The following DLAT variants were observed in gnomAD, a reference collection of about 807,000 sequenced individuals.
The protein encoded by DLAT is dihydrolipoamide S-acetyltransferase.
Under a neutral mutation model 68.0 loss-of-function variants are expected in DLAT, and 43 were observed. That is an observed-to-expected ratio of 0.63 (90% CI 0.50 to 0.81). DLAT has a LOEUF of 0.81. Among genes scored for constraint, DLAT ranks in the 40% least tolerant of loss-of-function variants. The pLI is 0.00. For missense variants in DLAT, 745 were observed against 815.4 expected, an observed-to-expected ratio of 0.91 and a Z score of 1.05; for synonymous variants, 265 against 288.6, an observed-to-expected ratio of 0.92 and a Z score of 0.83.
At chr11:112,048,174 G>A (rs1863423526) in intron 10 of DLAT, among the ~76,000 whole-genome samples, 2 of 152,106 alleles carry the variant, frequency 1.3e-5, no homozygotes, top group South Asian at 2.1e-4. Flanking sequence ...TCCTTGAAGA[G>A]GTCCTTCACA....
intron 10 of DLAT, among the ~76,000 whole-genome samples, chr11:112,047,014 T>C (rs587723749): frequency 6.6e-6 from 1 of 152,370 alleles, no homozygotes; most frequent in East Asian, 1.9e-4. Flanking sequence ...AAATGGTATT[T>C]CTGGTTCTAG....
chr11:112,036,165 ATATGTGTG>A (rs1463959456), intron 5 of DLAT, among the ~76,000 whole-genome samples: 24 of 101,842 alleles, frequency 2.4e-4, no homozygotes, highest in African/African-American at 1.0e-3. Context: ...GTGTGTGTAT[ATATGTGTG>A]TGTGTGTGTG....
In DLAT at chr11:112,028,776, T is replaced by A. The variant is rs374343565; in HGVS notation, c.507-16T>A. 6.2e-7 allele frequency: 1 copy of A among 1,614,214 alleles called. No homozygotes were observed. On this transcript the variant is annotated splice_polypyrimidine_tract_variant and intron_variant, in intron 3 of 13. Transcript: ENST00000280346. ...GAATCTGCCCATTATATTTATGCAT[T>A]CTTTCTCTTCCTTAGGCCTGAGGAT...
At position 112,062,824 on chromosome 11, in the gene DLAT, G is replaced by A; in HGVS notation, c.*289G>A. Reference sequence around the variant, plus strand: ...CTTTGGTGATAAGTACTTCCTCTAGGAAATGTACGATAGGTAGAATTGTGG... The same window carrying A: ...CTTTGGTGATAAGTACTTCCTCTAGAAAATGTACGATAGGTAGAATTGTGG... On this transcript the variant is annotated 3_prime_UTR_variant, in exon 14 of 14. Coordinates refer to ENST00000280346, the MANE Select transcript of DLAT (RefSeq NM_001931.5). 1 of 376,456 alleles carries A rather than the reference G, an allele frequency of 2.7e-6. No homozygotes were observed. Among genetic ancestry groups the A allele is most frequent in the Non-Finnish European group, 5.1e-6 (1 of 197,988 alleles). 23.3% of individuals were successfully genotyped at this position (376,456 alleles called of 1,614,324 possible).
chr11:112,025,707 G>T lies in DLAT; in HGVS notation c.235G>T (p.Gly79Trp), dbSNP rs781783304. 2 of 1,612,796 alleles carry T rather than the reference G, an allele frequency of 1.2e-6. No homozygotes were observed. Among genetic ancestry groups the T allele is most frequent in the Admixed American group, 1.7e-5 (1 of 60,000 alleles). The change falls in exon 1 of 14, where the codon GGG (glycine) becomes TGG (tryptophan). Residue 79 changes from glycine to tryptophan, a missense_variant. Coordinates refer to ENST00000280346, the MANE Select transcript of DLAT (RefSeq NM_001931.5). ...GAACCGCTTACTGCTGCAGCTTTTG[G>T]GGTCGCCCGGCCGCCGCTATTACAG... is the stretch of plus-strand genomic sequence containing the variant. ...PRNRLLLQLL[G>W]SPGRRYYSLP... is the part of the protein sequence containing the mutation.
At chr11:112,036,167 A>ATGTGTGTGTGTG (rs1311809853) in intron 5 of DLAT, among the ~76,000 whole-genome samples, 3 of 82,572 alleles carry the variant, frequency 3.6e-5, no homozygotes, top group African/African-American at 1.6e-4. Flanking sequence ...GTGTGTATAT[A>ATGTGTGTGTGTG]TGTGTGTGTG....
intron 2 of DLAT, among the ~76,000 whole-genome samples, chr11:112,026,757 C>T (rs1435437394): frequency 6.6e-5 from 10 of 152,200 alleles, no homozygotes; most frequent in Admixed American, 6.5e-4. Flanking sequence ...TCAATCTTTT[C>T]CCCACCTTTC....
chr11:112,044,549 T>C (rs2137788239), intron 8 of DLAT, among the ~76,000 whole-genome samples: 1 of 152,278 alleles, frequency 6.6e-6, no homozygotes, highest in Non-Finnish European at 1.5e-5. Flanking sequence ...AATGCTTCCA[T>C]TGCTTTTCTT....
chr11:112,057,672 G>A (rs1864182910), intron 11 of DLAT, among the ~76,000 whole-genome samples: 1 of 152,210 alleles, frequency 6.6e-6, no homozygotes, highest in Non-Finnish European at 1.5e-5. Flanking sequence ...CGTAACAGAA[G>A]TTTGAGGCTA....
chr11:112,040,923 TAAA>T (rs60065215), intron 7 of DLAT, among the ~76,000 whole-genome samples: 4 of 144,092 alleles, frequency 2.8e-5, no homozygotes, highest in South Asian at 2.2e-4. Flanking sequence ...AGAGGAGTGT[TAAA>T]AAAAAAAAAG....
At chr11:112,049,359 T>C in intron 10 of DLAT, among the ~76,000 whole-genome samples, 1 of 152,230 alleles carries the variant, frequency 6.6e-6, no homozygotes, top group Non-Finnish European at 1.5e-5. Flanking sequence ...TTTTCATCCA[T>C]GAACATGTAG....
intron 10 of DLAT, 82 bp downstream of exon 10, chr11:112,046,052 A>G (rs1396478029): frequency 1.2e-6 from 1 of 814,594 alleles, no homozygotes; most frequent in East Asian, 2.7e-5. Flanking sequence ...TTGTCCATAT[A>G]TTTTGTTACA....
chr11:112,039,516 CATT>C, intron 7 of DLAT, 119 bp downstream of exon 7: 1 of 1,049,940 alleles, frequency 9.5e-7, no homozygotes, highest in Non-Finnish European at 1.4e-6. Flanking sequence ...TAGGGACAAT[CATT>C]AATAATTCCT....
At chr11:112,036,465 G>A (rs1419772627) in intron 5 of DLAT, among the ~76,000 whole-genome samples, 1 of 151,444 alleles carries the variant, frequency 6.6e-6, no homozygotes, top group East Asian at 1.9e-4. Flanking sequence ...CACCCGCCTC[G>A]GTCTCCCAAA....
At chr11:112,058,001 A>T (rs1238160824) in intron 11 of DLAT, among the ~76,000 whole-genome samples, 1 of 152,230 alleles carries the variant, frequency 6.6e-6, no homozygotes, top group Non-Finnish European at 1.5e-5. Context: ...CTAGGAGATC[A>T]GAAAATTCAT....
At chr11:112,034,446 ATT>A (rs1178144652) in intron 5 of DLAT, among the ~76,000 whole-genome samples, 3 of 144,328 alleles carry the variant, frequency 2.1e-5, no homozygotes, top group East Asian at 2.0e-4. Flanking sequence ...TATTATTATT[ATT>A]TTTTTTTTTT....
At position 112,028,614 on chromosome 11, in the gene DLAT, G is replaced by T; in HGVS notation, c.481G>T (p.Ala161Ser). Residue 161 changes from alanine to serine, a missense_variant, in exon 3 of 14, where the codon GCG becomes TCG. Transcript: ENST00000280346. Reference protein sequence around the residue: ...AEGTRDVPIGAIICITVGKPE... With the variant: ...AEGTRDVPIGSIICITVGKPE... ...AGGTACCAGGGATGTTCCCATCGGA[G>T]CGATCATCTGTATCACAGTTGGCAA... is the stretch of plus-strand genomic sequence containing the variant. 6.2e-7 allele frequency: 1 copy of T among 1,614,144 alleles called. No homozygotes were observed. The highest frequency in any genetic ancestry group is 8.5e-7 in the Non-Finnish European group (1 of 1,180,036).
intron 5 of DLAT, among the ~76,000 whole-genome samples, chr11:112,034,711 GGATTACAGGCGTGA>G (rs1555180256): frequency 6.6e-6 from 1 of 151,778 alleles, no homozygotes; most frequent in Non-Finnish European, 1.5e-5. Flanking sequence ...CAAAGCGCTG[GGATTACAGGCGTGA>G]GCCATGGCGA....
chr11:112,058,430 T>C (rs1378494260), intron 11 of DLAT, among the ~76,000 whole-genome samples: 4 of 152,172 alleles, frequency 2.6e-5, no homozygotes, highest in African/African-American at 9.7e-5. Flanking sequence ...TGGTACCCAC[T>C]GATCTTTTTG....
Sources: allele counts gnomAD v4.1 joint callset (sites outside exome capture counted in the v4.1 genomes callset), GRCh38; gene constraint gnomAD v4.1.1; transcripts MANE v1.5; gene names NCBI Gene and HGNC (gene_info 2026-07-23, HGNC 2026-07-21).